RIMS3: variants seen among roughly 807,000 people sequenced by gnomAD.
RIMS3 encodes the protein regulating synaptic membrane exocytosis 3.
Under a neutral mutation model 29.2 loss-of-function variants are expected in RIMS3, and 15 were observed. The observed-to-expected ratio is 0.51, with a 90% CI of 0.34 to 0.79. RIMS3 has a LOEUF of 0.79. Among genes scored for constraint, RIMS3 ranks in the 30% least tolerant of loss-of-function variants. The pLI is 0.01. For missense variants in RIMS3, 342 were observed against 421.4 expected (o/e 0.81, Z 1.65); for synonymous variants, 161 against 170.1 (o/e 0.95, Z 0.41).
intron 5 of RIMS3, among the ~76,000 whole-genome samples, chr1:40,630,607 T>C (rs1263167589): frequency 6.6e-6 from 1 of 152,176 alleles, no homozygotes; most frequent in Non-Finnish European, 1.5e-5. Context: ...GACCTCCTTG[T>C]GGGGAAGGGA....
At chr1:40,683,422 G>C in the RIMS3 span, among the ~76,000 whole-genome samples, 10 of 152,076 alleles carry the variant, frequency 6.6e-5, no homozygotes, top group African/African-American at 1.7e-4. Context: ...AAAAGGATAC[G>C]TTTGGCCCCC....
At chr1:40,653,600 T>C (rs1284575544) in intron 1 of RIMS3, among the ~76,000 whole-genome samples, 1 of 152,146 alleles carries the variant, frequency 6.6e-6, no homozygotes, top group African/African-American at 2.4e-5. Context: ...GTTTGGGCTG[T>C]GGCGGGAGCC....
the RIMS3 span, among the ~76,000 whole-genome samples, chr1:40,688,206 G>A: frequency 6.6e-6 from 1 of 152,036 alleles, no homozygotes; most frequent in Non-Finnish European, 1.5e-5. Flanking sequence ...CTCGTGATCT[G>A]CCCGCCTCAG....
chr1:40,672,873 A>T, the RIMS3 span, among the ~76,000 whole-genome samples: 4 of 151,318 alleles, frequency 2.6e-5, no homozygotes, highest in South Asian at 8.3e-4. Flanking sequence ...CTGGAGAAAA[A>T]AAAAAAAAAA....
At chr1:40,643,413 A>T (rs1646573173) in intron 2 of RIMS3, among the ~76,000 whole-genome samples, 1 of 151,396 alleles carries the variant, frequency 6.6e-6, no homozygotes, top group South Asian at 2.1e-4. Flanking sequence ...GATTATAGAC[A>T]TGAGCCACCG....
rs889944486 is a variant in RIMS3 at position 40,654,712 on chromosome 1, A to G, written c.-206-6870T>C. Among the ~76,000 whole-genome samples, 5 of 152,158 alleles carry G rather than the reference A, an allele frequency of 3.3e-5. No individual in the cohort carries two copies. The highest frequency in any genetic ancestry group is 1.2e-4 in the African/African-American group (5 of 41,428). ...AACTCCCTCGCAGAGAACTGCAGAC[A>G]TATCGCATGAAGATACATTCACCAC... is the stretch of plus-strand genomic sequence containing the variant. On this transcript the variant is annotated intron_variant, in intron 1 of 7. Transcript: ENST00000372684. The surrounding 1 kb of genome is among the most constrained non-coding windows in gnomAD (Gnocchi z 5.3).
chr1:40,635,851 C>G lies in RIMS3; in HGVS notation c.359+65G>C. The G allele has an allele frequency of 1.3e-6, 2 of 1,588,954 alleles. No homozygotes were observed. On this transcript the variant is annotated intron_variant, in intron 4 of 7. Transcript: ENST00000372684. This position sits in a 1 kb window ranked among gnomAD's most constrained non-coding sequence, Gnocchi z 4.1. ...AAACAGGGAGGCTTTCCCACCCTGC[C>G]CAGTGGCTCTGTGACTGGAGGACCG...
In RIMS3 at chr1:40,625,878, C is replaced by G. The variant is rs1452895589; in HGVS notation, c.*639G>C. 6.4e-6 allele frequency: 1 copy of G among 156,922 alleles called. No individual in the cohort carries two copies. The allele number at this position is 156,922 out of a possible 1,614,324, so 9.7% of individuals were successfully genotyped here. A position where few individuals can be genotyped will look rare whatever the true frequency, so the allele number is the denominator to read the frequency against. On this transcript the variant is annotated 3_prime_UTR_variant, in exon 8 of 8. Transcript: ENST00000372684. ...ACCCTCTGCCTCCCCAGGGCCCTGG[C>G]CAGGGAGCTAGGTGGGCATGCTACA...
chr1:40,633,206 G>T (rs369843409), intron 4 of RIMS3, 25 bp from the exon 5 acceptor site: 7 of 1,588,472 alleles, frequency 4.4e-6, no homozygotes, highest in Non-Finnish European at 4.3e-6. Context: ...AGAGGGACGC[G>T]TGAGGGGGTC....
the RIMS3 span, among the ~76,000 whole-genome samples, chr1:40,688,246 AG>A: frequency 2.0e-5 from 3 of 152,272 alleles, no homozygotes; most frequent in South Asian, 6.2e-4. Flanking sequence ...TACAGGTGTG[AG>A]CCACCACGCC....
chr1:40,657,648 G>A (rs1642289813), intron 1 of RIMS3, among the ~76,000 whole-genome samples: 1 of 151,460 alleles, frequency 6.6e-6, no homozygotes, highest in Non-Finnish European at 1.5e-5. Flanking sequence ...CAGGGAGGCT[G>A]AGGTGGGAGG....
upstream of RIMS3, among the ~76,000 whole-genome samples, chr1:40,668,495 G>C (rs1188364023): frequency 3.6e-5 from 2 of 56,170 alleles, no homozygotes; most frequent in African/African-American, 1.3e-4. Flanking sequence ...TGTGGGCGGG[G>C]GGGGGGGGGT....
At chr1:40,683,217 GCTGT>G in the RIMS3 span, among the ~76,000 whole-genome samples, 1 of 152,178 alleles carries the variant, frequency 6.6e-6, no homozygotes, top group Non-Finnish European at 1.5e-5. Flanking sequence ...CTAGACCTAT[GCTGT>G]CTAATATGCA....
At chr1:40,645,757 C>T (rs956905311) in intron 2 of RIMS3, among the ~76,000 whole-genome samples, 1 of 152,102 alleles carries the variant, frequency 6.6e-6, no homozygotes, top group African/African-American at 2.4e-5. Context: ...AATTCCTGAC[C>T]CTGCCAACCC....
intron 1 of RIMS3, among the ~76,000 whole-genome samples, chr1:40,663,775 G>A (rs950099625): frequency 2.6e-5 from 4 of 152,128 alleles, no homozygotes; most frequent in African/African-American, 7.2e-5. Context: ...AGAAGGGACC[G>A]TGGTCCCTGC....
chr1:40,664,078 A>T (rs1323371999), intron 1 of RIMS3, among the ~76,000 whole-genome samples: 1 of 152,200 alleles, frequency 6.6e-6, no homozygotes, highest in Non-Finnish European at 1.5e-5. Flanking sequence ...TACCCTGCAA[A>T]GGGTCGGATA....
intron 1 of RIMS3, among the ~76,000 whole-genome samples, chr1:40,659,179 G>C (rs1642314878): frequency 6.6e-6 from 1 of 152,128 alleles, no homozygotes; most frequent in African/African-American, 2.4e-5. Flanking sequence ...AGTAGGGGTG[G>C]GGAGGCATTA....
At chr1:40,655,015 C>A (rs1377911570) in intron 1 of RIMS3, among the ~76,000 whole-genome samples, 5 of 152,172 alleles carry the variant, frequency 3.3e-5, no homozygotes, top group Non-Finnish European at 7.4e-5. Context: ...GGACTTCCCT[C>A]CCTCCTTGCC....
chr1:40,627,365 A>C (rs1164421752), intron 7 of RIMS3, among the ~76,000 whole-genome samples: 1 of 151,924 alleles, frequency 6.6e-6, no homozygotes, highest in Admixed American at 6.6e-5. Context: ...AGTAGCTGGG[A>C]CTACAGGTGC....
Sources: gnomAD v4.1 joint callset for allele counts (sites outside exome capture counted in the v4.1 genomes callset) on GRCh38, gnomAD v4.1.1 for gene constraint, Gnocchi (gnomAD v3.1) non-coding constraint, MANE v1.5 for transcripts, NCBI Gene and HGNC (gene_info 2026-07-23, HGNC 2026-07-21) for gene names.